The following USP13 variants were observed in gnomAD, a reference collection of about 807,000 sequenced individuals.
USP13 encodes ubiquitin carboxyl-terminal hydrolase 13.
In USP13, 68 loss-of-function variants were observed where a neutral mutation model predicts 107.8. The ratio of observed to expected loss-of-function variants is 0.63; its 90% CI spans 0.52 to 0.77. USP13 has a LOEUF of 0.77. USP13 is among the 30% of genes least tolerant of loss of function. USP13 has a pLI of 0.00. For missense variants in USP13, 945 were observed against 1,093.3 expected (o/e 0.86, Z 1.91); for synonymous variants, 377 against 389.5 (o/e 0.97, Z 0.38).
intron 1 of USP13, among the ~76,000 whole-genome samples, chr3:179,668,615 GGT>G (rs1450370137): frequency 6.6e-6 from 1 of 151,964 alleles, no homozygotes; most frequent in Non-Finnish European, 1.5e-5. Flanking sequence ...AGAGTGCAGT[GGT>G]GTGATCTTGG....
intron 16 of USP13, 67 bp from the exon 17 acceptor site, chr3:179,761,045 G>C: frequency 6.3e-7 from 1 of 1,591,904 alleles, no homozygotes. Flanking sequence ...TAGGAGAGTG[G>C]AGAGTAGCTA....
At chr3:179,713,352 G>A (rs1487712120) in intron 6 of USP13, among the ~76,000 whole-genome samples, 3 of 152,220 alleles carry the variant, frequency 2.0e-5, no homozygotes, top group African/African-American at 7.2e-5. Flanking sequence ...TAGTTTATGG[G>A]ATGCATACAT....
chr3:179,722,240 G>A (rs1713351776), intron 8 of USP13, among the ~76,000 whole-genome samples: 2 of 152,118 alleles, frequency 1.3e-5, no homozygotes, highest in Admixed American at 6.5e-5. Flanking sequence ...AGATCCGGTG[G>A]TAGGTCTGGT....
intron 3 of USP13, among the ~76,000 whole-genome samples, chr3:179,694,087 C>T (rs545110526): frequency 7.0e-4 from 106 of 152,170 alleles, no homozygotes; most frequent in African/African-American, 2.4e-3. Flanking sequence ...GAACCTCCCA[C>T]CTCAGCCTCC....
intron 19 of USP13, among the ~76,000 whole-genome samples, chr3:179,781,475 A>AT (rs1469879697): frequency 6.6e-6 from 1 of 152,004 alleles, no homozygotes; most frequent in Non-Finnish European, 1.5e-5. Flanking sequence ...GGGCTGTGGG[A>AT]TTTTTTAAAT....
At chr3:179,741,576 C>T (rs1050189640) in intron 11 of USP13, among the ~76,000 whole-genome samples, 3 of 151,806 alleles carry the variant, frequency 2.0e-5, no homozygotes, top group South Asian at 2.1e-4. Flanking sequence ...AGGCTGGTCT[C>T]GAACTCCTGA....
intron 3 of USP13, 106 bp downstream of exon 3, chr3:179,690,407 C>A: frequency 9.8e-7 from 1 of 1,022,188 alleles, no homozygotes; most frequent in Non-Finnish European, 1.4e-6. Flanking sequence ...TATTGCTGTA[C>A]AATTTAAGGA....
At chr3:179,781,929 A>C (rs1217802270) in intron 20 of USP13, 106 bp downstream of exon 20, 3 of 1,036,468 alleles carry the variant, frequency 2.9e-6, no homozygotes, top group Non-Finnish European at 4.4e-6. Context: ...TGGTTCTCAC[A>C]TTGGTCTTGT....
chr3:179,730,987 C>T (rs898415122), intron 10 of USP13, among the ~76,000 whole-genome samples: 3 of 152,134 alleles, frequency 2.0e-5, no homozygotes, highest in Admixed American at 6.5e-5. Context: ...GAGCTGAGAT[C>T]GAAGGACTAA....
chr3:179,658,097 G>T (rs1326482542), intron 1 of USP13, among the ~76,000 whole-genome samples: 1 of 152,076 alleles, frequency 6.6e-6, no homozygotes, highest in Non-Finnish European at 1.5e-5. Context: ...TGGGATTACA[G>T]GTGCCCACCA....
At chr3:179,717,291 T>C in intron 6 of USP13, among the ~76,000 whole-genome samples, 1 of 152,348 alleles carries the variant, frequency 6.6e-6, no homozygotes, top group Non-Finnish European at 1.5e-5. Flanking sequence ...TATTTATAAA[T>C]TCTTCCTGAT....
Position 179,761,143 on chromosome 3 carries a change from G to A in USP13, c.1980G>A (p.Gln660=). ...PSDIDESSVM[Q]LAEMGFPLEA... ...ACATCGATGAGTCATCAGTGATGCA[G>A]CTGGCCGAGATGGGTTTCCCGCTGG... The change falls in exon 17 of 21, where the codon CAG becomes CAA. Residue 660 remains glutamine (Q), a synonymous_variant. Coordinates refer to ENST00000263966, the MANE Select transcript of USP13 (RefSeq NM_003940.3). 4 of 1,614,186 alleles carry A rather than the reference G, an allele frequency of 2.5e-6. No homozygotes were observed. The highest frequency in any genetic ancestry group is 2.5e-6 in the Non-Finnish European group (3 of 1,180,028).
rs200979122 is a variant in USP13 at position 179,742,303 on chromosome 3, A to G, written c.1487A>G (p.Asp496Gly). ...AAAGTCCGCTACACGGAGAGGGTGG[A>G]TTACCTGATGCAGTTACCTGTGGCC... is the stretch of plus-strand genomic sequence containing the variant. ...TRKVRYTERV[D>G]YLMQLPVAME... The change falls in exon 12 of 21, where the codon GAT becomes GGT. Residue 496 changes from aspartate (D) to glycine (G), a missense_variant. Physicochemically the swap from Asp to Gly is moderately conservative, Grantham distance 94. Coordinates refer to ENST00000263966, the MANE Select transcript of USP13 (RefSeq NM_003940.3). This position sits in a 1 kb window ranked among gnomAD's most constrained non-coding sequence, Gnocchi z 5.0. 4.6e-5 allele frequency: 74 copies of G among 1,614,124 alleles called. No individual in the cohort carries two copies. The highest frequency in any genetic ancestry group is 5.9e-5 in the Non-Finnish European group (70 of 1,180,046).
chr3:179,743,926 G>GTTTTTTTTTT (rs35286740), intron 12 of USP13, among the ~76,000 whole-genome samples: 1 of 126,254 alleles, frequency 7.9e-6, no homozygotes. Flanking sequence ...TAAATAAGGA[G>GTTTTTTTTTT]TTTTTTTTTT....
chr3:179,713,761 G>A (rs1243822559), intron 6 of USP13, among the ~76,000 whole-genome samples: 4 of 152,168 alleles, frequency 2.6e-5, no homozygotes, highest in South Asian at 2.1e-4. Flanking sequence ...CTTAGTGAAC[G>A]TGGAATCCAA....
Position 179,653,239 on chromosome 3 carries a change from G to T in USP13, c.14G>T (p.Gly5Val), listed in dbSNP as rs762543429. 6.5e-7 allele frequency: 1 copy of T among 1,549,208 alleles called. No homozygotes were observed. The highest frequency in any genetic ancestry group is 1.2e-5 in the South Asian group (1 of 84,100). The change falls in exon 1 of 21, where the codon GGC (glycine) becomes GTC (valine). Residue 5 changes from glycine to valine, a missense_variant. Physicochemically the swap from Gly to Val is moderately radical, Grantham distance 109. Transcript: ENST00000263966. The surrounding 1 kb of genome is among the most constrained non-coding windows in gnomAD (Gnocchi z 4.0). MQRR[G>V]ALFGMPGGSG... ...CGCGCCGAGGCCATGCAGCGCCGGGGCGCCCTGTTCGGCATGCCGGGCGGC... is the reference window on the plus strand; with the variant it reads ...CGCGCCGAGGCCATGCAGCGCCGGGTCGCCCTGTTCGGCATGCCGGGCGGC...
At chr3:179,682,031 C>A (rs751716167) in intron 2 of USP13, 28 bp downstream of exon 2, 2 of 1,602,706 alleles carry the variant, frequency 1.2e-6, no homozygotes, top group Admixed American at 1.7e-5. Flanking sequence ...AGAGAACTGG[C>A]CTTGATGTCT....
intron 6 of USP13, among the ~76,000 whole-genome samples, chr3:179,714,173 C>G (rs368070209): frequency 6.6e-6 from 1 of 152,140 alleles, no homozygotes; most frequent in East Asian, 1.9e-4. Flanking sequence ...CTAGTTTACC[C>G]GAGAAGATGC....
chr3:179,696,438 C>G (rs895775443), intron 3 of USP13, among the ~76,000 whole-genome samples: 5 of 147,788 alleles, frequency 3.4e-5, no homozygotes, highest in Non-Finnish European at 7.4e-5. Flanking sequence ...TCAAGCGATT[C>G]TCCTGCATTA....
Sources: allele counts gnomAD v4.1 joint callset (sites outside exome capture counted in the v4.1 genomes callset), GRCh38; gene constraint gnomAD v4.1.1; non-coding constraint Gnocchi (gnomAD v3.1); transcripts MANE v1.5; gene names NCBI Gene and HGNC (gene_info 2026-07-23, HGNC 2026-07-21).